Variants in MKNK1 observed in about 807,000 individuals in gnomAD.
MKNK1 encodes the protein MAPK interacting serine/threonine kinase 1.
Under a neutral mutation model 49.3 loss-of-function variants are expected in MKNK1, and 30 were observed. The observed-to-expected ratio is 0.61, with a 90% confidence interval of 0.46 to 0.83. The LOEUF is 0.83. Among genes scored for constraint, MKNK1 ranks in the 40% least tolerant of loss-of-function variants. The probability of loss-of-function intolerance (pLI) is 0.00; values close to 1 mark genes in which losing one functional copy is unlikely to be tolerated. For synonymous variants in MKNK1, 176 were observed against 201.7 expected (o/e 0.87, Z 1.08); for missense variants, 423 against 524.7 (o/e 0.81, Z 1.89).
intron 5 of MKNK1, chr1:46,576,028 C>T (rs1670905158): frequency 6.5e-6 from 1 of 153,232 alleles, no homozygotes; most frequent in Non-Finnish European, 1.5e-5. Context: ...TTAGAGGTGC[C>T]CCTGATTTAA....
chr1:46,566,184 A>G (rs892335549), intron 8 of MKNK1, among the ~76,000 whole-genome samples: 6 of 152,234 alleles, frequency 3.9e-5, no homozygotes, highest in African/African-American at 1.4e-4. Flanking sequence ...TGACTTTATT[A>G]ATTAAGACTT....
chr1:46,574,184 G>A (rs1323103739), intron 6 of MKNK1: 2 of 152,214 alleles, frequency 1.3e-5, no homozygotes, highest in African/African-American at 4.8e-5. Context: ...AACCCAGTGA[G>A]GTAGGTGCTA....
At chr1:46,580,651 A>G (rs1315791047) in intron 3 of MKNK1, 24 bp from the exon 4 acceptor site, 6 of 1,538,342 alleles carry the variant, frequency 3.9e-6, no homozygotes, top group Non-Finnish European at 5.4e-6. Flanking sequence ...GGATGAGAGG[A>G]ATAACAAGAT....
rs186081459 is a variant in MKNK1, at chr1:46,599,642, C to T, written c.-171+4543G>A. Among the ~76,000 whole-genome samples the T allele has an allele frequency of 5.8e-3, 885 of 152,268 alleles. 12 individuals are homozygous for T. The highest frequency in any genetic ancestry group is 0.037 in the Middle Eastern group (11 of 294). On this transcript the variant is annotated intron_variant, in intron 1 of 12. Coordinates refer to ENST00000371945, the MANE Select transcript of MKNK1 (RefSeq NM_001135553.4). ...CCTCCGTCCTGCTGCCAGAGAAAAC[C>T]GAGCGCCAGTCAGGGCATTTGGAGC...
intron 1 of MKNK1, among the ~76,000 whole-genome samples, chr1:46,599,709 C>G (rs1160817047): frequency 6.6e-6 from 1 of 152,218 alleles, no homozygotes; most frequent in African/African-American, 2.4e-5. Context: ...GAACTCAGCA[C>G]TGCTAGTTTT....
chr1:46,568,267 A>G, intron 8 of MKNK1, 176 bp downstream of exon 8: 2 of 621,176 alleles, frequency 3.2e-6, no homozygotes, highest in South Asian at 4.2e-5. Flanking sequence ...AAGAGCGAAG[A>G]AAGGACGAGG....
chr1:46,574,187 AG>A (rs1245547765), intron 6 of MKNK1: 1 of 152,256 alleles, frequency 6.6e-6, no homozygotes, highest in Non-Finnish European at 1.5e-5. Flanking sequence ...CCAGTGAGGT[AG>A]GTGCTATCAA....
Position 46,580,572 on chromosome 1 carries a change from T to C in MKNK1, c.156A>G (p.Gln52=). 1 of 1,614,120 alleles carries C rather than the reference T, an allele frequency of 6.2e-7. No homozygotes were observed. Among genetic ancestry groups the C allele is most frequent in the Non-Finnish European group, 8.5e-7 (1 of 1,179,948 alleles). The part of the protein sequence containing the change: ...LLGEGAYAKV[Q]GAVSLQNGKE... Reference sequence around the variant, plus strand: ...TGCCATTCTGTAGGCTCACGGCACCTTGAACTTTGGCATAGGCTCCCTCTC... The same window carrying C: ...TGCCATTCTGTAGGCTCACGGCACCCTGAACTTTGGCATAGGCTCCCTCTC... The change falls in exon 4 of 13, where the codon CAA becomes CAG. Residue 52 remains glutamine (Q), a synonymous_variant. Transcript: ENST00000371945.
At chr1:46,597,011 T>A (rs1674156743) in intron 1 of MKNK1, among the ~76,000 whole-genome samples, 2 of 152,210 alleles carry the variant, frequency 1.3e-5, no homozygotes. Context: ...AAATTACTTC[T>A]GACTCTCACA....
Position 46,558,792 on chromosome 1 carries a change from C to A in MKNK1, c.1022G>T (p.Ser341Ile), listed in dbSNP as rs1406210327. 2 of 1,613,274 alleles carry A rather than the reference C, an allele frequency of 1.2e-6. No individual in the cohort carries two copies. Among genetic ancestry groups the A allele is most frequent in the South Asian group, 1.1e-5 (1 of 90,966 alleles). The change falls in exon 13 of 13, where the codon AGC (serine) becomes ATC (isoleucine). Residue 341 changes from serine to isoleucine, a missense_variant. Physicochemically the swap from Ser to Ile is moderately radical, Grantham distance 142. Coordinates refer to ENST00000371945, the MANE Select transcript of MKNK1 (RefSeq NM_001135553.4). ...PTPQVLQRNS[S>I]TMDLTLFAAE... The stretch of plus-strand genomic sequence containing the variant: ...TGCGAAGAGCGTCAGGTCCATTGTG[C>A]TGCTGTTCCTGCAGGGCCAGGGGAA...
intron 1 of MKNK1, among the ~76,000 whole-genome samples, chr1:46,602,318 A>AG (rs1674841846): frequency 6.6e-6 from 1 of 152,324 alleles, no homozygotes; most frequent in African/African-American, 2.4e-5. Flanking sequence ...AGGCTGAGGC[A>AG]GGAGAATCAC....
intron 10 of MKNK1, among the ~76,000 whole-genome samples, chr1:46,562,361 A>C (rs1668150123): frequency 7.8e-6 from 1 of 127,842 alleles, no homozygotes; most frequent in Admixed American, 1.0e-4. Flanking sequence ...GTGCCATTGC[A>C]CTCCAGCCTG....
chr1:46,581,508 CAAAAAAAAAAAAAAAA>C (rs36099600), intron 3 of MKNK1, among the ~76,000 whole-genome samples: 1 of 41,634 alleles, frequency 2.4e-5, no homozygotes, highest in East Asian at 8.1e-4. Context: ...GACCCCATAT[CAAAAAAAAAAAAAAAA>C]AAAAAAAAAA....
rs1241047709 is a variant in MKNK1, at chr1:46,562,775, G to A, written c.678C>T (p.Asp226=). The part of the protein sequence containing the change: ...EVFTDQATFY[D]KRCDLWSLGV... ...CCAGGCTCCACAGGTCACAGCGCTT[G>A]TCGTAGAATGTGGCCTGGTCCGTGA... The change falls in exon 10 of 13, where the codon GAC becomes GAT. Residue 226 remains aspartate (D), a synonymous_variant. Coordinates refer to ENST00000371945, the MANE Select transcript of MKNK1 (RefSeq NM_001135553.4). 1.2e-6 allele frequency: 2 copies of A among 1,611,862 alleles called. No homozygotes were observed. The highest frequency in any genetic ancestry group is 1.7e-6 in the Non-Finnish European group (2 of 1,179,018).
intron 7 of MKNK1, chr1:46,568,902 C>T (rs887135310): frequency 1.2e-5 from 2 of 163,876 alleles, no homozygotes; most frequent in African/African-American, 4.8e-5. Context: ...AACTGCTCTA[C>T]CTCATTTCTT....
intron 1 of MKNK1, among the ~76,000 whole-genome samples, chr1:46,601,165 C>T (rs1674687166): frequency 6.6e-6 from 1 of 152,238 alleles, no homozygotes. Flanking sequence ...GATCCACCTG[C>T]CTCGGCCTCC....
intron 8 of MKNK1, among the ~76,000 whole-genome samples, chr1:46,566,346 G>A (rs943351649): frequency 2.0e-5 from 3 of 152,158 alleles, no homozygotes; most frequent in Admixed American, 1.3e-4. Flanking sequence ...CCATTTTATG[G>A]CTGACTAGTA....
intron 11 of MKNK1, 73 bp downstream of exon 11, chr1:46,561,405 G>A: frequency 4.7e-6 from 7 of 1,498,342 alleles, no homozygotes; most frequent in Non-Finnish European, 6.3e-6. Context: ...AGCACTTGCT[G>A]GCATGACAGC....
At chr1:46,575,114 A>C in intron 5 of MKNK1, 94 bp from the exon 6 acceptor site, 1 of 802,676 alleles carries the variant, frequency 1.2e-6, no homozygotes, top group Non-Finnish European at 2.0e-6. Context: ...AAAATATACA[A>C]CACCTGGTAG....
Sources: allele counts gnomAD v4.1 joint callset (sites outside exome capture counted in the v4.1 genomes callset), GRCh38; gene constraint gnomAD v4.1.1; transcripts MANE v1.5; gene names NCBI Gene and HGNC (gene_info 2026-07-23, HGNC 2026-07-21).